Variants in PPFIA4 observed in about 807,000 individuals in gnomAD.
PPFIA4 encodes PPFI scaffold protein A4, also known as liprin-alpha-4.
PPFIA4 carries 98 observed loss-of-function variants against 145.7 expected under a neutral mutation model. The ratio of observed to expected loss-of-function variants is 0.67; its 90% CI spans 0.57 to 0.80. The LOEUF is 0.80. Ranked by LOEUF, PPFIA4 falls within the 30% of genes least tolerant of loss-of-function variation. The probability of loss-of-function intolerance (pLI) is 0.00; values close to 1 mark genes in which losing one functional copy is unlikely to be tolerated. For synonymous variants in PPFIA4, 628 were observed against 649.6 expected, an observed-to-expected ratio of 0.97 and a Z score of 0.51; for missense variants, 1,457 against 1,632.7, an observed-to-expected ratio of 0.89 and a Z score of 1.85.
At chr1:203,047,285 C>G (rs994351390) in intron 9 of PPFIA4, among the ~76,000 whole-genome samples, 1 of 152,124 alleles carries the variant, frequency 6.6e-6, no homozygotes, top group African/African-American at 2.4e-5. Flanking sequence ...CCTCCCTTAA[C>G]TGGGCCTCAG....
At chr1:203,074,168 GCT>G (rs1662363370) in intron 28 of PPFIA4, among the ~76,000 whole-genome samples, 1 of 152,290 alleles carries the variant, frequency 6.6e-6, no homozygotes, top group African/African-American at 2.4e-5. Flanking sequence ...ATGATGCTTA[GCT>G]ACGGGGATAA....
At chr1:203,044,288 T>G in intron 4 of PPFIA4, 91 bp from the exon 5 acceptor site, 1 of 1,287,336 alleles carries the variant, frequency 7.8e-7, no homozygotes, top group Non-Finnish European at 1.1e-6. Context: ...ACTGTCCTCA[T>G]GCTCAGTGGT....
rs754491483 is a variant in PPFIA4 at position 203,044,013 on chromosome 1, C to T, written c.419C>T (p.Ser140Leu). The T allele has an allele frequency of 1.2e-6, 2 of 1,612,620 alleles. No homozygotes were observed. The highest frequency in any genetic ancestry group is 2.2e-5 in the South Asian group (2 of 91,058). The change falls in exon 4 of 30, where the codon TCA becomes TTA. Residue 140 changes from serine (S) to leucine (L), a missense_variant. Physicochemically the swap from Ser to Leu is moderately radical, Grantham distance 145. This residue lies in a region of PPFIA4 where 463 missense variants were observed against 459.8 expected (regional missense o/e 1.01). Transcript: ENST00000295706. ...RMTVVKRQAQ[S>L]PSGVSSEVEV... The stretch of plus-strand genomic sequence containing the variant: ...ACTGTGGTGAAGCGCCAGGCCCAGT[C>T]ACCTTCGGGGGTCTCCAGTGAGGTG...
intron 4 of PPFIA4, 92 bp from the exon 5 acceptor site, chr1:203,044,287 A>G (rs1046614954): frequency 1.6e-5 from 21 of 1,285,298 alleles, no homozygotes; most frequent in Non-Finnish European, 2.3e-5. Flanking sequence ...CACTGTCCTC[A>G]TGCTCAGTGG....
In PPFIA4 at chr1:203,050,914, G is replaced by A. The variant is rs375063051; in HGVS notation, c.1512-855G>A. ...TTTTCTTAATGGTTGGGAATGCTTGGGTTCGACTATAGAATCATTGGATTC... is the reference window on the plus strand; with the variant it reads ...TTTTCTTAATGGTTGGGAATGCTTGAGTTCGACTATAGAATCATTGGATTC... On this transcript the variant is annotated intron_variant, in intron 13 of 29. Coordinates refer to ENST00000295706, the MANE Select transcript of PPFIA4 (RefSeq NM_001304331.2). Among the ~76,000 whole-genome samples, 17 of 151,904 alleles carry A rather than the reference G, an allele frequency of 1.1e-4. 2 individuals carry two copies. Among genetic ancestry groups the A allele is most frequent in the Admixed American group, 7.9e-4 (12 of 15,276 alleles).
At chr1:203,065,501 T>A (rs1275067672) in intron 25 of PPFIA4, among the ~76,000 whole-genome samples, 1 of 152,150 alleles carries the variant, frequency 6.6e-6, no homozygotes, top group Admixed American at 6.5e-5. Flanking sequence ...CAGCCAGGAC[T>A]ATGGAAATCC....
intron 2 of PPFIA4, among the ~76,000 whole-genome samples, chr1:203,042,713 T>G (rs1315169028): frequency 6.6e-6 from 1 of 152,220 alleles, no homozygotes; most frequent in Non-Finnish European, 1.5e-5. Flanking sequence ...CTCAGCTCAC[T>G]GCAACCTCCG....
chr1:203,051,083 A>G (rs1206035017), intron 13 of PPFIA4: 10 of 957,376 alleles, frequency 1.0e-5, no homozygotes, highest in Non-Finnish European at 1.2e-5. Flanking sequence ...GTAGGAAGGC[A>G]CAGGGAGGAA....
chr1:203,042,202 C>G (rs1196537697), intron 2 of PPFIA4, among the ~76,000 whole-genome samples: 3 of 152,124 alleles, frequency 2.0e-5, no homozygotes, highest in African/African-American at 7.2e-5. Context: ...TGAAAACCTC[C>G]CTGGAAGGAG....
At chr1:203,062,818 A>T (rs1227250500) in intron 24 of PPFIA4, 1 of 152,226 alleles carries the variant, frequency 6.6e-6, no homozygotes, top group Admixed American at 6.5e-5. Context: ...TAAAAAGTGT[A>T]AAACAGTTTT....
chr1:203,075,899 C>T lies in PPFIA4; in HGVS notation c.3574+142C>T, dbSNP rs545001121. On this transcript the variant is annotated intron_variant, in intron 29 of 29. Transcript: ENST00000295706. This position sits in a 1 kb window ranked among gnomAD's most constrained non-coding sequence, Gnocchi z 4.1. ...CTGCGCTGCAGCTGCACTAACGCTCCGCGGGGAGCGTGTGTGCGCACTAAC... is the reference window on the plus strand; with the variant it reads ...CTGCGCTGCAGCTGCACTAACGCTCTGCGGGGAGCGTGTGTGCGCACTAAC... 55 of 881,096 alleles carry T rather than the reference C, an allele frequency of 6.2e-5. No homozygotes were observed. In the East Asian group the frequency reaches 1.3e-3, roughly 21 times the overall value. 54.6% of individuals were successfully genotyped at this position (881,096 alleles called of 1,614,324 possible).
intron 7 of PPFIA4, 30 bp from the exon 8 acceptor site, chr1:203,045,811 T>C: frequency 6.2e-7 from 1 of 1,612,562 alleles, no homozygotes. Flanking sequence ...AAAGGCTGGT[T>C]ACCGTCCTTC....
Position 203,075,235 on chromosome 1 carries a change from C to T in PPFIA4, c.3394-342C>T, listed in dbSNP as rs914881088. Among the ~76,000 whole-genome samples, 3 of 152,042 alleles carry T rather than the reference C, an allele frequency of 2.0e-5. No homozygotes were observed. The highest frequency in any genetic ancestry group is 7.2e-5 in the African/African-American group (3 of 41,398). ...CCCATGGGCTGAGGCAGAGGAATGCCTTGAAAGGTGAATGGTCATGCCAAG... is the reference window on the plus strand; with the variant it reads ...CCCATGGGCTGAGGCAGAGGAATGCTTTGAAAGGTGAATGGTCATGCCAAG... On this transcript the variant is annotated intron_variant, in intron 28 of 29. Coordinates refer to ENST00000295706, the MANE Select transcript of PPFIA4 (RefSeq NM_001304331.2). The surrounding 1 kb of genome is among the most constrained non-coding windows in gnomAD (Gnocchi z 4.1).
At chr1:203,056,193 A>G in intron 17 of PPFIA4, 38 bp downstream of exon 17, 1 of 1,613,548 alleles carries the variant, frequency 6.2e-7, no homozygotes, top group Non-Finnish European at 8.5e-7. Context: ...TAACGGGTTC[A>G]CTGCTCCCAT....
chr1:203,033,187 A>G (rs1427545823), intron 1 of PPFIA4, among the ~76,000 whole-genome samples: 2 of 152,156 alleles, frequency 1.3e-5, no homozygotes, highest in Non-Finnish European at 2.9e-5. Flanking sequence ...ACTGGAGCGT[A>G]TTGTGTGTTA....
At position 203,055,692 on chromosome 1, in the gene PPFIA4, C is replaced by A. The variant is rs780593059; in HGVS notation, c.2070+20C>A. ...ACCCTGGTGAGAGGCAGCTGAGGAG[C>A]AGGCCTGGCATCACTGGACCCTGCA... On this transcript the variant is annotated intron_variant, in intron 16 of 29. Coordinates refer to ENST00000295706, the MANE Select transcript of PPFIA4 (RefSeq NM_001304331.2). This position sits in a 1 kb window ranked among gnomAD's most constrained non-coding sequence, Gnocchi z 4.8. The A allele has an allele frequency of 7.4e-6, 12 of 1,612,376 alleles. No individual in the cohort carries two copies. The African/African-American group carries it at 1.5e-4, about 20-fold the overall frequency.
At position 203,068,636 on chromosome 1, in the gene PPFIA4, GC is replaced by G. The variant is rs377712901; in HGVS notation, c.3324+10del. The stretch of plus-strand genomic sequence containing the variant: ...CCCACACAGAACACCCAGGTGGGCA[GC>G]CTTTTAATCAGTCAACTTGAGTCTC... On this transcript the variant is annotated intron_variant, in intron 27 of 29. Transcript: ENST00000295706. This position sits in a 1 kb window ranked among gnomAD's most constrained non-coding sequence, Gnocchi z 4.7. The G allele has an allele frequency of 7.5e-4, 1,127 of 1,503,854 alleles. 3 individuals are homozygous for G. In the African/African-American group the frequency reaches 0.014, roughly 18 times the overall value. The allele number at this position is 1,503,854 out of a possible 1,614,324, so 93.2% of individuals were successfully genotyped here.
At chr1:203,058,226 C>CACGA (rs1558090305) in intron 19 of PPFIA4, among the ~76,000 whole-genome samples, 1 of 151,624 alleles carries the variant, frequency 6.6e-6, no homozygotes, top group Non-Finnish European at 1.5e-5. Flanking sequence ...GGAGAGCACG[C>CACGA]GAGGAGGAGG....
Position 203,048,159 on chromosome 1 carries a change from A to T in PPFIA4, c.1141-68A>T, listed in dbSNP as rs1203767142. On this transcript the variant is annotated intron_variant, in intron 9 of 29. Coordinates refer to ENST00000295706, the MANE Select transcript of PPFIA4 (RefSeq NM_001304331.2). This position sits in a 1 kb window ranked among gnomAD's most constrained non-coding sequence, Gnocchi z 5.8. The stretch of plus-strand genomic sequence containing the variant: ...CAGGGCCACCCTGGCACCAGGGTGC[A>T]GGGGATGCGGGGCCTGAGCAGGAAG... 3 of 1,486,200 alleles carry T rather than the reference A, an allele frequency of 2.0e-6. No homozygotes were observed. The East Asian group carries it at 7.0e-5, about 34-fold the overall frequency. The allele number at this position is 1,486,200 out of a possible 1,614,324, so 92.1% of individuals were successfully genotyped here. A position where few individuals can be genotyped will look rare whatever the true frequency, so the allele number is the denominator to read the frequency against.
Sources: gnomAD v4.1 joint callset for allele counts (sites outside exome capture counted in the v4.1 genomes callset) on GRCh38, gnomAD v4.1.1 for gene constraint, gnomAD v4.1.1 regional missense constraint, Gnocchi (gnomAD v3.1) non-coding constraint, MANE v1.5 for transcripts, NCBI Gene and HGNC (gene_info 2026-07-23, HGNC 2026-07-21) for gene names.